The following NEBL variants were observed in gnomAD, a reference collection of about 807,000 sequenced individuals.
The protein encoded by NEBL is LIM and SH3 protein 2.
Under a neutral mutation model 140.2 loss-of-function variants are expected in NEBL, and 122 were observed. That is an observed-to-expected ratio of 0.87 (90% CI 0.75 to 1.01). The LOEUF (loss-of-function observed/expected upper bound fraction) is 1.01, where lower values mean the gene tolerates loss of function less well. Ranked by LOEUF, NEBL falls within the 50% of genes least tolerant of loss-of-function variation. NEBL has a pLI of 0.00. For synonymous variants in NEBL, 436 were observed against 398.9 expected (o/e 1.09, Z -1.11); for missense variants, 1,365 against 1,231.3 (o/e 1.11, Z -1.62).
intron 2 of NEBL, among the ~76,000 whole-genome samples, chr10:21,124,345 G>A (rs567053551): frequency 2.6e-5 from 4 of 152,188 alleles, no homozygotes; most frequent in Non-Finnish European, 2.9e-5. Flanking sequence ...ATGCAGGAAC[G>A]AAAAGAAATC....
intron 26 of NEBL, among the ~76,000 whole-genome samples, chr10:20,791,279 T>G (rs934334458): frequency 6.6e-6 from 1 of 152,190 alleles, no homozygotes; most frequent in Non-Finnish European, 1.5e-5. Flanking sequence ...CTTCCACAGA[T>G]AGGCTATTTT....
chr10:20,794,722 A>G (rs962545055), intron 26 of NEBL, among the ~76,000 whole-genome samples: 1 of 152,224 alleles, frequency 6.6e-6, no homozygotes, highest in Non-Finnish European at 1.5e-5. Flanking sequence ...ATCTGCACAC[A>G]ATAAAAGTTT....
chr10:20,872,711 A>G (rs776243586), intron 5 of NEBL, among the ~76,000 whole-genome samples: 22 of 152,192 alleles, frequency 1.4e-4, no homozygotes, highest in Non-Finnish European at 2.6e-4. Flanking sequence ...GCAGTAAAGA[A>G]GCCAGCTAAA....
intron 2 of NEBL, among the ~76,000 whole-genome samples, chr10:21,104,433 T>C (rs1737355825): frequency 1.3e-5 from 2 of 152,350 alleles, no homozygotes; most frequent in African/African-American, 2.4e-5. Flanking sequence ...GTTTCCAGTG[T>C]AGAAGTTTTA....
rs1589113176 is a variant in NEBL, at chr10:20,989,279, T to C, written c.250-27500A>G. 2.7e-5 allele frequency among the ~76,000 whole-genome samples: 4 copies of C among 149,594 alleles called. No individual in the cohort carries two copies. The East Asian group carries it at 5.8e-4, about 22-fold the overall frequency. ...GTTTAAAAACATATTTAATCCAACT[T>C]TACTTTGGGGAGGTTTTTTGTTTTT... On this transcript the variant is annotated intron_variant, in intron 3 of 6. Transcript: ENST00000417816.
At chr10:20,894,035 C>T (rs1320931114) in intron 2 of NEBL, among the ~76,000 whole-genome samples, 4 of 152,070 alleles carry the variant, frequency 2.6e-5, no homozygotes, top group African/African-American at 9.7e-5. Flanking sequence ...TGATCTAGAC[C>T]GTCCACATCT....
chr10:20,868,605 T>C, intron 7 of NEBL, 59 bp downstream of exon 7: 1 of 1,116,702 alleles, frequency 9.0e-7, no homozygotes, highest in Non-Finnish European at 1.4e-6. Context: ...TATTCTCCTG[T>C]GCTGTTAGAA....
intron 13 of NEBL, among the ~76,000 whole-genome samples, chr10:20,836,372 G>A (rs1053587463): frequency 9.2e-5 from 14 of 152,106 alleles, no homozygotes; most frequent in South Asian, 2.1e-4. Flanking sequence ...ACAGGCATGC[G>A]CCACCACATC....
chr10:21,103,375 G>A (rs530160650), intron 2 of NEBL, among the ~76,000 whole-genome samples: 50 of 151,950 alleles, frequency 3.3e-4, no homozygotes, highest in Non-Finnish European at 5.4e-4. Context: ...CACCATGCCC[G>A]GCTAATTTTT....
At chr10:20,844,937 CA>C (rs1047901583) in intron 12 of NEBL, among the ~76,000 whole-genome samples, 18 of 152,032 alleles carry the variant, frequency 1.2e-4, no homozygotes, top group African/African-American at 4.3e-4. Context: ...ATATTCAAAA[CA>C]TTTTTTTAAA....
In NEBL at chr10:21,216,479, A is replaced by T. The variant is rs549438723; in HGVS notation, n.348+31442T>A. Among the ~76,000 whole-genome samples, 8 of 152,006 alleles carry T rather than the reference A, an allele frequency of 5.3e-5. No homozygotes were observed. The South Asian group carries it at 1.2e-3, about 24-fold the overall frequency. On this transcript the variant is annotated intron_variant and non_coding_transcript_variant, in intron 3 of 8. Transcript: ENST00000675702. ...GACCAGCCTGGCCAACATGATGAAA[A>T]CCCATCTCTTGGGCCAGGCGCAGTG...
intron 1 of NEBL, among the ~76,000 whole-genome samples, chr10:21,251,857 A>G (rs1023023727): frequency 2.6e-5 from 4 of 152,316 alleles, no homozygotes; most frequent in African/African-American, 9.6e-5. Flanking sequence ...TATTGTTTAT[A>G]TCTACCCAGT....
At chr10:20,940,895 G>T (rs1410122757) in intron 4 of NEBL, among the ~76,000 whole-genome samples, 2 of 152,156 alleles carry the variant, frequency 1.3e-5, no homozygotes, top group African/African-American at 2.4e-5. Flanking sequence ...GGAAGAAGTT[G>T]AATCTCTGAA....
chr10:20,943,618 C>A (rs187835415), intron 4 of NEBL, among the ~76,000 whole-genome samples: 6 of 152,052 alleles, frequency 3.9e-5, no homozygotes, highest in Non-Finnish European at 5.9e-5. Context: ...AAGAGCCTTA[C>A]GAATTTATCA....
intron 2 of NEBL, among the ~76,000 whole-genome samples, chr10:21,054,215 T>C (rs1056130606): frequency 3.9e-5 from 6 of 152,194 alleles, no homozygotes; most frequent in African/African-American, 1.4e-4. Context: ...TGGTTTGGGG[T>C]CCACGTACCT....
At chr10:20,995,906 T>C (rs1837647284) in intron 3 of NEBL, among the ~76,000 whole-genome samples, 1 of 151,214 alleles carries the variant, frequency 6.6e-6, no homozygotes, top group Non-Finnish European at 1.5e-5. Context: ...GTGGGACTAA[T>C]TCTTTTTCCT....
chr10:20,902,570 G>A (rs902306687), intron 4 of NEBL, among the ~76,000 whole-genome samples: 7 of 152,200 alleles, frequency 4.6e-5, no homozygotes, highest in African/African-American at 1.7e-4. Flanking sequence ...CAGGTTGGGT[G>A]TGGTGGGGAA....
intron 2 of NEBL, among the ~76,000 whole-genome samples, chr10:21,131,493 T>C (rs1839103841): frequency 6.6e-6 from 1 of 151,980 alleles, no homozygotes; most frequent in South Asian, 2.1e-4. Flanking sequence ...ACTGTGATAA[T>C]TTTCTCTGTA....
intron 4 of NEBL, among the ~76,000 whole-genome samples, chr10:20,937,744 T>A (rs941029161): frequency 6.6e-6 from 1 of 152,166 alleles, no homozygotes; most frequent in Non-Finnish European, 1.5e-5. Flanking sequence ...CCCACCCTAA[T>A]ACAGCACTTT....
Sources: gnomAD v4.1 joint callset for allele counts (sites outside exome capture counted in the v4.1 genomes callset) on GRCh38, gnomAD v4.1.1 for gene constraint, MANE v1.5 for transcripts, NCBI Gene and HGNC (gene_info 2026-07-23, HGNC 2026-07-21) for gene names.